PARN: variants seen among roughly 807,000 people sequenced by gnomAD.
PARN encodes poly(A)-specific ribonuclease PARN.
In PARN, 71 loss-of-function variants were observed where a neutral mutation model predicts 102.8. The observed-to-expected ratio is 0.69, with a 90% CI of 0.57 to 0.84. The LOEUF (loss-of-function observed/expected upper bound fraction) is 0.84, where lower values mean the gene tolerates loss of function less well. Ranked by LOEUF, PARN falls within the 40% of genes least tolerant of loss-of-function variation. The pLI, the probability that PARN is intolerant of heterozygous loss-of-function variation, is 0.00. For synonymous variants in PARN, 261 were observed against 252.9 expected, an observed-to-expected ratio of 1.03 and a Z score of -0.30; for missense variants, 782 against 760.9, an observed-to-expected ratio of 1.03 and a Z score of -0.33.
rs149832434 is a variant in PARN at position 14,566,143 on chromosome 16, C to T, written c.1263-10434G>A. On this transcript the variant is annotated intron_variant, in intron 18 of 23. Transcript: ENST00000437198. ...AAAAAGATATGTCCACTTTCTACTCCCTGGAACCTCTGAGTGCTACCTTAG... is the reference window on the plus strand; with the variant it reads ...AAAAAGATATGTCCACTTTCTACTCTCTGGAACCTCTGAGTGCTACCTTAG... 2.0e-5 allele frequency among the ~76,000 whole-genome samples: 3 copies of T among 152,232 alleles called. No individual in the cohort carries two copies. The East Asian group carries it at 5.8e-4, about 29-fold the overall frequency.
At chr16:14,468,886 G>T (rs544614933) in intron 22 of PARN, among the ~76,000 whole-genome samples, 1 of 106,518 alleles carries the variant, frequency 9.4e-6, no homozygotes, top group Admixed American at 9.4e-5. Context: ...TAAATAGATA[G>T]ATAGATAGAT....
At chr16:14,623,533 GAAAA>G (rs200278320) in intron 5 of PARN, among the ~76,000 whole-genome samples, 1 of 145,152 alleles carries the variant, frequency 6.9e-6, no homozygotes, top group African/African-American at 2.5e-5. Context: ...AAAAAGAAAA[GAAAA>G]AAAAAAGAAA....
intron 23 of PARN, among the ~76,000 whole-genome samples, chr16:14,441,972 A>T (rs150525377): frequency 9.9e-4 from 151 of 152,318 alleles, no homozygotes; most frequent in African/African-American, 3.3e-3. Context: ...TTCTTTGGCA[A>T]ACACTTAAAA....
chr16:14,621,450 C>G (rs1030601898), intron 5 of PARN, among the ~76,000 whole-genome samples: 1 of 152,156 alleles, frequency 6.6e-6, no homozygotes, highest in Non-Finnish European at 1.5e-5. Flanking sequence ...TGCCACTGAG[C>G]TATACATTTA....
intron 13 of PARN, among the ~76,000 whole-genome samples, chr16:14,588,151 A>G (rs1038478682): frequency 6.6e-6 from 1 of 152,058 alleles, no homozygotes; most frequent in African/African-American, 2.4e-5. Context: ...CAAAAGCTGC[A>G]CCGCGGAAAG....
intron 5 of PARN, among the ~76,000 whole-genome samples, chr16:14,623,816 G>C (rs139203526): frequency 8.4e-4 from 125 of 148,826 alleles, no homozygotes; most frequent in African/African-American, 3.0e-3. Flanking sequence ...CAGCCTGGGC[G>C]ACAGTGTAAG....
chr16:14,438,529 C>T (rs1167617345), intron 23 of PARN, among the ~76,000 whole-genome samples: 1 of 149,916 alleles, frequency 6.7e-6, no homozygotes, highest in Admixed American at 6.6e-5. Flanking sequence ...ATGGAATAAG[C>T]AAAAAGTTCT....
chr16:14,585,785 A>G (rs1042198610), intron 14 of PARN, among the ~76,000 whole-genome samples: 1 of 152,160 alleles, frequency 6.6e-6, no homozygotes, highest in Non-Finnish European at 1.5e-5. Context: ...GAGAGATAAG[A>G]AAAAAGGAGT....
intron 14 of PARN, 54 bp from the exon 15 acceptor site, chr16:14,584,845 C>G: frequency 1.0e-6 from 1 of 973,112 alleles, no homozygotes; most frequent in Non-Finnish European, 1.6e-6. Flanking sequence ...TTTAAAATGT[C>G]TTTTACTCAA....
intron 22 of PARN, among the ~76,000 whole-genome samples, chr16:14,452,402 T>C (rs918417477): frequency 6.6e-6 from 1 of 152,246 alleles, no homozygotes; most frequent in Non-Finnish European, 1.5e-5. Context: ...AGACGGAGTC[T>C]TGCTCCGTTG....
rs190001546 is a variant in PARN, at chr16:14,465,634, A to G, written c.1670+17004T>C. On this transcript the variant is annotated intron_variant, in intron 22 of 23. Coordinates refer to ENST00000437198, the MANE Select transcript of PARN (RefSeq NM_002582.4). ...TCAATCCCAACCAAAATTTTACCAGATGCTTTTATGTAAATTTATAAGCTG... is the reference window on the plus strand; with the variant it reads ...TCAATCCCAACCAAAATTTTACCAGGTGCTTTTATGTAAATTTATAAGCTG... Among the ~76,000 whole-genome samples, 48 of 152,302 alleles carry G rather than the reference A, an allele frequency of 3.2e-4. 1 individual carries two copies. The highest frequency in any genetic ancestry group is 1.7e-3 in the Admixed American group (26 of 15,292).
chr16:14,469,111 A>C (rs1012928902), intron 22 of PARN, among the ~76,000 whole-genome samples: 1 of 152,160 alleles, frequency 6.6e-6, no homozygotes, highest in Non-Finnish European at 1.5e-5. Flanking sequence ...CAGCCTGGCC[A>C]ACATGGTGAA....
intron 21 of PARN, among the ~76,000 whole-genome samples, chr16:14,537,946 A>G (rs1406656819): frequency 6.6e-6 from 1 of 152,212 alleles, no homozygotes; most frequent in Non-Finnish European, 1.5e-5. Flanking sequence ...AGAAGTTTGA[A>G]TGTTCACAAC....
Position 14,582,211 on chromosome 16 carries a change from G to A in PARN, c.1162C>T (p.Leu388=), listed in dbSNP as rs750051082. 1.2e-6 allele frequency: 2 copies of A among 1,612,232 alleles called. No individual in the cohort carries two copies. The highest frequency in any genetic ancestry group is 1.7e-6 in the Non-Finnish European group (2 of 1,178,350). The change falls in exon 17 of 24, where the codon CTG becomes TTG. Residue 388 remains leucine, a synonymous_variant. Transcript: ENST00000437198. ...TAATTGGCCATGGAGATGAAGCACA[G>A]CCCTGTGATGTAGGCATCGTAGCCT... ...EAGYDAYITG[L]CFISMANYLG... is the part of the protein sequence containing the mutation.
At chr16:14,599,206 C>A (rs1970730275) in intron 12 of PARN, among the ~76,000 whole-genome samples, 1 of 151,998 alleles carries the variant, frequency 6.6e-6, no homozygotes, top group African/African-American at 2.4e-5. Flanking sequence ...CCACACCTGG[C>A]TAATTTTTGT....
chr16:14,601,182 A>G (rs1159396556), intron 11 of PARN, among the ~76,000 whole-genome samples: 7 of 152,342 alleles, frequency 4.6e-5, no homozygotes. Context: ...TCACAAGAGC[A>G]TTATTCACAA....
chr16:14,629,489 T>TA (rs1304056225), intron 2 of PARN, 108 bp downstream of exon 2: 1 of 810,184 alleles, frequency 1.2e-6, no homozygotes, highest in African/African-American at 1.7e-5. Flanking sequence ...CCAAGGCTAC[T>TA]AACAGCAAGA....
chr16:14,513,561 G>A (rs1965309415), intron 21 of PARN, among the ~76,000 whole-genome samples: 1 of 152,118 alleles, frequency 6.6e-6, no homozygotes, highest in South Asian at 2.1e-4. Flanking sequence ...CTGTAACTGG[G>A]CCAGAAGGCT....
At chr16:14,611,703 G>C (rs1370797852) in intron 6 of PARN, among the ~76,000 whole-genome samples, 1 of 152,096 alleles carries the variant, frequency 6.6e-6, no homozygotes, top group African/African-American at 2.4e-5. Context: ...ATCACACCAG[G>C]CTAATTTTTG....
Sources: gnomAD v4.1 joint callset for allele counts (sites outside exome capture counted in the v4.1 genomes callset) on GRCh38, gnomAD v4.1.1 for gene constraint, MANE v1.5 for transcripts, NCBI Gene and HGNC (gene_info 2026-07-23, HGNC 2026-07-21) for gene names.